GPR89B: variants seen among roughly 807,000 people sequenced by gnomAD.
The protein encoded by GPR89B is G protein-coupled receptor 89B.
Under a neutral mutation model 52.4 loss-of-function variants are expected in GPR89B, and 25 were observed. That is an observed-to-expected ratio of 0.48 (90% CI 0.35 to 0.67). The LOEUF is 0.67. Among genes scored for constraint, GPR89B ranks in the 30% least tolerant of loss-of-function variants. The probability of loss-of-function intolerance (pLI) is 0.01; values close to 1 mark genes in which losing one functional copy is unlikely to be tolerated. For synonymous variants in GPR89B, 52 were observed against 151.2 expected (o/e 0.34, Z 4.81); for missense variants, 146 against 450.2 (o/e 0.32, Z 6.11).
intron 8 of GPR89B, 87 bp from the exon 9 acceptor site, chr1:147,968,788 G>A: frequency 1.2e-6 from 2 of 1,605,686 alleles, no homozygotes; most frequent in Non-Finnish European, 1.7e-6. Flanking sequence ...GGAATCCACT[G>A]TAGGAAAAAC....
chr1:147,962,852 C>T (rs1324042822), intron 7 of GPR89B, among the ~76,000 whole-genome samples: 4 of 150,016 alleles, frequency 2.7e-5, no homozygotes, highest in East Asian at 2.0e-4. Flanking sequence ...AGCCGAGATC[C>T]GCCATTGCCC....
intron 1 of GPR89B, among the ~76,000 whole-genome samples, chr1:147,935,757 C>A (rs1196214011): frequency 2.0e-5 from 3 of 151,990 alleles, no homozygotes; most frequent in African/African-American, 7.2e-5. Flanking sequence ...ATTTTTGAGA[C>A]AGGGTCTCAC....
At chr1:147,994,537 G>A (rs1284484837), downstream of GPR89B, among the ~76,000 whole-genome samples, 24 of 151,996 alleles carry the variant, frequency 1.6e-4, no homozygotes, top group Non-Finnish European at 2.9e-4. Flanking sequence ...TATCAGTATT[G>A]TAATGGGAAC....
chr1:147,986,127 T>C, intron 10 of GPR89B, 72 bp from the exon 11 acceptor site: 1 of 1,610,294 alleles, frequency 6.2e-7, no homozygotes, highest in Non-Finnish European at 8.5e-7. Context: ...ATTAATTCAT[T>C]AGTTTCAGTC....
At chr1:147,993,807 G>A (rs1659242762), downstream of GPR89B, 1 of 150,434 alleles carries the variant, frequency 6.6e-6, no homozygotes, top group Non-Finnish European at 1.5e-5. Context: ...GAAGGTTAAA[G>A]CATAAAAAGT....
At chr1:148,009,094 A>T in the GPR89B span, among the ~76,000 whole-genome samples, 1 of 152,276 alleles carries the variant, frequency 6.6e-6, no homozygotes, top group Middle Eastern at 3.4e-3. Context: ...ACAAACACTC[A>T]GGGACAGGAG....
At chr1:148,019,413 A>G in the GPR89B span, among the ~76,000 whole-genome samples, 3,248 of 150,218 alleles carry the variant, frequency 0.022, 183 homozygotes, top group East Asian at 0.18. Flanking sequence ...CAGACACTGG[A>G]GCCTGTTGGA....
At chr1:147,963,908 G>A (rs1284056940) in intron 7 of GPR89B, among the ~76,000 whole-genome samples, 22 of 152,228 alleles carry the variant, frequency 1.4e-4, no homozygotes, top group African/African-American at 5.1e-4. Flanking sequence ...TGAAAATTAC[G>A]CTGAGTGAAA....
intron 7 of GPR89B, among the ~76,000 whole-genome samples, chr1:147,962,917 GA>G (rs1656713957): frequency 7.1e-6 from 1 of 141,684 alleles, no homozygotes; most frequent in Admixed American, 7.1e-5. Context: ...AATTAAAACA[GA>G]TAATAGACTA....
chr1:148,007,220 C>T, the GPR89B span, among the ~76,000 whole-genome samples: 6 of 144,898 alleles, frequency 4.1e-5, no homozygotes, highest in East Asian at 2.1e-4. Context: ...GAACTACAGG[C>T]GCCCACCACC....
At chr1:148,013,324 A>AG in the GPR89B span, among the ~76,000 whole-genome samples, 8 of 152,138 alleles carry the variant, frequency 5.3e-5, no homozygotes, top group Non-Finnish European at 8.8e-5. Context: ...CTGCGACCGC[A>AG]GGCCTCCGGC....
intron 5 of GPR89B, among the ~76,000 whole-genome samples, chr1:147,951,782 C>T (rs1655729811): frequency 6.6e-6 from 1 of 151,830 alleles, no homozygotes; most frequent in Admixed American, 6.6e-5. Flanking sequence ...TTATCACTAG[C>T]AATATCCCAG....
chr1:147,929,837 A>G (rs1653394162), intron 1 of GPR89B, among the ~76,000 whole-genome samples: 1 of 152,152 alleles, frequency 6.6e-6, no homozygotes, highest in African/African-American at 2.4e-5. Context: ...TTTCATAAGT[A>G]TTGTTTTTAT....
chr1:148,011,565 G>T, the GPR89B span: 12,791 of 152,258 alleles, frequency 0.084, 1,130 homozygotes, highest in African/African-American at 0.22. Context: ...GACTCTTCGT[G>T]AGTCGGAGAG....
At chr1:147,971,639 A>G (rs1359471558) in intron 10 of GPR89B, among the ~76,000 whole-genome samples, 3 of 150,446 alleles carry the variant, frequency 2.0e-5, no homozygotes, top group Non-Finnish European at 4.4e-5. Flanking sequence ...ACAACGCAAA[A>G]TACAATAATT....
intron 10 of GPR89B, among the ~76,000 whole-genome samples, chr1:147,970,508 T>TCTCG (rs1371789792): frequency 1.1e-5 from 1 of 93,982 alleles, no homozygotes; most frequent in Non-Finnish European, 2.4e-5. Flanking sequence ...TCTCTCTCTC[T>TCTCG]CTCTCTCTCT....
At chr1:147,973,440 C>A (rs1200777847) in intron 10 of GPR89B, among the ~76,000 whole-genome samples, 3 of 150,508 alleles carry the variant, frequency 2.0e-5, no homozygotes, top group Admixed American at 2.0e-4. Context: ...TTTTTTCATA[C>A]GTTTGTTGGC....
At chr1:147,970,527 C>CTA (rs1259840958) in intron 10 of GPR89B, among the ~76,000 whole-genome samples, 22 of 140,106 alleles carry the variant, frequency 1.6e-4, no homozygotes, top group Non-Finnish European at 2.8e-4. Flanking sequence ...CTCTCTCTCT[C>CTA]TCTCTCTATC....
chr1:147,950,511 T>G (rs1558045853), intron 5 of GPR89B, among the ~76,000 whole-genome samples: 1 of 151,952 alleles, frequency 6.6e-6, no homozygotes, highest in East Asian at 1.9e-4. Context: ...GCAGAGACGC[T>G]CCTCACTTCC....
Sources: gnomAD v4.1 joint callset for allele counts (sites outside exome capture counted in the v4.1 genomes callset) on GRCh38, gnomAD v4.1.1 for gene constraint, MANE v1.5 for transcripts, NCBI Gene and HGNC (gene_info 2026-07-23, HGNC 2026-07-21) for gene names.